ABCC10: variants seen among roughly 807,000 people sequenced by gnomAD.
ABCC10 encodes the protein ATP-binding cassette sub-family C member 10.
A neutral mutation model predicts 143.2 loss-of-function variants in ABCC10; 110 were observed. The ratio of observed to expected loss-of-function variants is 0.77; its 90% CI spans 0.66 to 0.90. The LOEUF is 0.90. Among genes scored for constraint, ABCC10 ranks in the 40% least tolerant of loss-of-function variants. The probability of loss-of-function intolerance (pLI) is 0.00; values close to 1 mark genes in which losing one functional copy is unlikely to be tolerated. For synonymous variants in ABCC10, 805 were observed against 846.7 expected (o/e 0.95, Z 0.85); for missense variants, 1,700 against 1,900.5 (o/e 0.89, Z 1.96).
intron 7 of ABCC10, 153 bp from the exon 8 acceptor site, chr6:43,438,471 T>C (rs1029060363): frequency 4.2e-6 from 6 of 1,439,614 alleles, no homozygotes; most frequent in Non-Finnish European, 4.5e-6. Flanking sequence ...TTAGGACCCC[T>C]TGACCTCAGG....
At position 43,435,868 on chromosome 6, in the gene ABCC10, G is replaced by A. The variant is rs762674596; in HGVS notation, c.1726G>A (p.Asp576Asn). ...VSLDRIQLFL[D>N]LPNHNPQAYY... Reference sequence around the variant, plus strand: ...CTTGGACCGGATCCAGCTTTTCCTCGACCTTCCAAACCACAACCCCCAGGC... The same window carrying A: ...CTTGGACCGGATCCAGCTTTTCCTCAACCTTCCAAACCACAACCCCCAGGC... Residue 576 changes from aspartate to asparagine, a missense_variant, in exon 5 of 22, where the codon GAC becomes AAC. Asp to Asn is a conservative substitution (Grantham distance 23). Coordinates refer to ENST00000372530, the MANE Select transcript of ABCC10 (RefSeq NM_001198934.2). The A allele has an allele frequency of 1.5e-5, 24 of 1,613,992 alleles. No homozygotes were observed. Among genetic ancestry groups the A allele is most frequent in the African/African-American group, 1.1e-4 (8 of 74,896 alleles).
chr6:43,433,048 G>A lies in ABCC10; in HGVS notation c.1068G>A (p.Arg356=), dbSNP rs1781307955. 1 of 1,614,120 alleles carries A rather than the reference G, an allele frequency of 6.2e-7. No individual in the cohort carries two copies. The highest frequency in any genetic ancestry group is 2.2e-5 in the East Asian group (1 of 44,880). The part of the protein sequence containing the change: ...YEVYKVTLQA[R]GAVLNILYCK... Reference sequence around the variant, plus strand: ...TATATAAGGTAACACTTCAGGCACGGGGGGCTGTGCTGAACATCCTGTACT... The same window carrying A: ...TATATAAGGTAACACTTCAGGCACGAGGGGCTGTGCTGAACATCCTGTACT... The change falls in exon 3 of 22, where the codon CGG becomes CGA. Residue 356 remains arginine (R), a synonymous_variant. Coordinates refer to ENST00000372530, the MANE Select transcript of ABCC10 (RefSeq NM_001198934.2).
chr6:43,445,484 G>GT, intron 14 of ABCC10, 115 bp from the exon 15 acceptor site: 1 of 1,375,922 alleles, frequency 7.3e-7, no homozygotes, highest in Non-Finnish European at 1.0e-6. Context: ...GGATATTTTA[G>GT]TCCTTCCCTA....
chr6:43,446,425 C>CA lies in ABCC10; in HGVS notation c.3524dup (p.Gln1176AlafsTer5), dbSNP rs1267748758. 1 of 1,611,646 alleles carries CA rather than the reference C, an allele frequency of 6.2e-7. No homozygotes were observed. Among genetic ancestry groups the CA allele is most frequent in the African/African-American group, 1.3e-5 (1 of 74,794 alleles). ...CGCAGGCATCGCTCTGGTGCAGCAC[C>CA]AGCAGGGCCTCGCTAACCCAGGTGC... On this transcript the variant is annotated frameshift_variant, in exon 16 of 22. Transcript: ENST00000372530. LOFTEE classifies it high-confidence loss of function.
At chr6:43,445,419 T>C in intron 14 of ABCC10, 105 bp downstream of exon 14, 1 of 1,400,752 alleles carries the variant, frequency 7.1e-7, no homozygotes, top group Non-Finnish European at 9.7e-7. Context: ...TTTCCTGCCC[T>C]GGGATATTCT....
chr6:43,436,037 G>C, intron 5 of ABCC10, 101 bp from the exon 6 acceptor site: 1 of 1,603,202 alleles, frequency 6.2e-7, no homozygotes, highest in South Asian at 1.1e-5. Flanking sequence ...ATTTAGCTTT[G>C]GGCAGGTAGA....
At position 43,427,600 on chromosome 6, in the gene ABCC10, G is replaced by T. The variant is rs1780647897; in HGVS notation, c.-169G>T. 9.2e-6 allele frequency: 3 copies of T among 325,442 alleles called. No homozygotes were observed. The highest frequency in any genetic ancestry group is 2.6e-5 in the South Asian group (1 of 38,414). 20.2% of individuals were successfully genotyped at this position (325,442 alleles called of 1,614,324 possible). On this transcript the variant is annotated 5_prime_UTR_variant, in exon 1 of 22. Coordinates refer to ENST00000372530, the MANE Select transcript of ABCC10 (RefSeq NM_001198934.2). Reference sequence around the variant, plus strand: ...CTTCCAACCTCTAGGTGGGGTGCCAGCCGGGGCGGGCCCAGCACCCCGGCC... The same window carrying T: ...CTTCCAACCTCTAGGTGGGGTGCCATCCGGGGCGGGCCCAGCACCCCGGCC...
At chr6:43,438,929 C>A in intron 8 of ABCC10, 134 bp downstream of exon 8, 1 of 1,089,692 alleles carries the variant, frequency 9.2e-7, no homozygotes, top group Non-Finnish European at 1.3e-6. Flanking sequence ...GGCCATCGGA[C>A]TGTGGTCCTC....
At chr6:43,445,979 G>A in intron 15 of ABCC10, 37 bp downstream of exon 15, 1 of 1,581,756 alleles carries the variant, frequency 6.3e-7, no homozygotes, top group African/African-American at 1.3e-5. Flanking sequence ...GAGGTGTTGG[G>A]GGGAGAGGAA....
intron 16 of ABCC10, 157 bp downstream of exon 16, chr6:43,446,603 G>A (rs114994935): frequency 4.1e-4 from 402 of 985,318 alleles, no homozygotes; most frequent in Non-Finnish European, 4.7e-4. Flanking sequence ...GTTTGGAGTT[G>A]AGGAGACAAT....
At chr6:43,434,596 C>A in intron 3 of ABCC10, 25 bp from the exon 4 acceptor site, 1 of 1,601,044 alleles carries the variant, frequency 6.2e-7, no homozygotes, top group Non-Finnish European at 8.5e-7. Context: ...CCACTTCACG[C>A]CTCTCCCTTG....
chr6:43,443,493 C>A lies in ABCC10; in HGVS notation c.2416+334C>A. On this transcript the variant is annotated intron_variant, in intron 10 of 21. Coordinates refer to ENST00000372530, the MANE Select transcript of ABCC10 (RefSeq NM_001198934.2). The surrounding 1 kb of genome is among the most constrained non-coding windows in gnomAD (Gnocchi z 4.2). ...TTGTAAAAACAAAAATTTTTAAACT[C>A]TGAAAGATTTTTATGCAGAGGGATG... is the stretch of plus-strand genomic sequence containing the variant. 1 of 298,304 alleles carries A rather than the reference C, an allele frequency of 3.4e-6. No homozygotes were observed. The highest frequency in any genetic ancestry group is 1.0e-4 in the South Asian group (1 of 9,824). 18.5% of individuals were successfully genotyped at this position (298,304 alleles called of 1,614,324 possible). A position where few individuals can be genotyped will look rare whatever the true frequency, so the allele number is the denominator to read the frequency against.
At chr6:43,430,542 CTGAGA>C (rs1263184060) in intron 2 of ABCC10, among the ~76,000 whole-genome samples, 1 of 149,600 alleles carries the variant, frequency 6.7e-6, no homozygotes, top group Non-Finnish European at 1.5e-5. Context: ...TTGCAGCGAG[CTGAGA>C]TCACGCCATT....
In ABCC10 at chr6:43,428,647, C is replaced by T. The variant is rs1374308519; in HGVS notation, c.161+508C>T. ...AAGAAGAGCAAAATCAAACATTAAG[C>T]CTTCCCCAATTAAGGGCTATAAGGT... On this transcript the variant is annotated intron_variant, in intron 2 of 21. Coordinates refer to ENST00000372530, the MANE Select transcript of ABCC10 (RefSeq NM_001198934.2). 6.6e-5 allele frequency among the ~76,000 whole-genome samples: 10 copies of T among 152,184 alleles called. No homozygotes were observed. In the East Asian group the frequency reaches 1.9e-3, roughly 29 times the overall value.
At position 43,435,898 on chromosome 6, in the gene ABCC10, T is replaced by C. The variant is rs963848396; in HGVS notation, c.1756T>C (p.Tyr586His). ...TCCAAACCACAACCCCCAGGCCTAC[T>C]ACAGCCCAGGTAATGGGAAGCTAGT... Reference protein sequence around the residue: ...DLPNHNPQAYYSPDPPAEPST... With the variant: ...DLPNHNPQAYHSPDPPAEPST... Residue 586 changes from tyrosine to histidine, a missense_variant, in exon 5 of 22, where the codon TAC (tyrosine) becomes CAC (histidine). By Grantham distance (83) the Tyr-to-His change is moderately conservative. Coordinates refer to ENST00000372530, the MANE Select transcript of ABCC10 (RefSeq NM_001198934.2). 7 of 1,614,082 alleles carry C rather than the reference T, an allele frequency of 4.3e-6. No individual in the cohort carries two copies. The highest frequency in any genetic ancestry group is 1.7e-4 in the Middle Eastern group (1 of 6,018).
intron 21 of ABCC10, 50 bp from the exon 22 acceptor site, chr6:43,449,879 C>G (rs772527967): frequency 1.5e-5 from 24 of 1,601,358 alleles, no homozygotes; most frequent in Non-Finnish European, 2.0e-5. Flanking sequence ...AGTGTTCTTA[C>G]TTAGGGCATT....
intron 7 of ABCC10, chr6:43,438,404 C>A: frequency 7.0e-7 from 1 of 1,425,974 alleles, no homozygotes; most frequent in South Asian, 1.5e-5. Flanking sequence ...AGTACAACAG[C>A]TGCTTGGCTG....
chr6:43,450,678 G>A, downstream of ABCC10: 1 of 1,613,990 alleles, frequency 6.2e-7, no homozygotes, highest in South Asian at 1.1e-5. This position sits in a 1 kb window ranked among gnomAD's most constrained non-coding sequence, Gnocchi z 4.5. Flanking sequence ...GGGTCCAGGG[G>A]GGCAGACACC....
At chr6:43,447,489 C>T in intron 17 of ABCC10, 81 bp downstream of exon 17, 1 of 1,562,702 alleles carries the variant, frequency 6.4e-7, no homozygotes, top group Non-Finnish European at 8.6e-7. Flanking sequence ...TTCTTTTTGC[C>T]CACCCATCTT....
Sources: gnomAD v4.1 joint callset for allele counts (sites outside exome capture counted in the v4.1 genomes callset) on GRCh38, gnomAD v4.1.1 for gene constraint, Gnocchi (gnomAD v3.1) non-coding constraint, MANE v1.5 for transcripts, NCBI Gene and HGNC (gene_info 2026-07-23, HGNC 2026-07-21) for gene names.